RIPOR3: variants seen among roughly 807,000 people sequenced by gnomAD.
The protein encoded by RIPOR3 is RIPOR family member 3, also known as family with sequence similarity 65 member C.
In RIPOR3, 95 loss-of-function variants were observed where a neutral mutation model predicts 114.3. That is an observed-to-expected ratio of 0.83 (90% CI 0.70 to 0.99). The LOEUF (loss-of-function observed/expected upper bound fraction) is 0.99, where lower values mean the gene tolerates loss of function less well. Ranked by LOEUF, RIPOR3 falls within the 50% of genes least tolerant of loss-of-function variation. The pLI, the probability that RIPOR3 is intolerant of heterozygous loss-of-function variation, is 0.00. For missense variants in RIPOR3, 1,252 were observed against 1,266.9 expected (o/e 0.99, Z 0.18); for synonymous variants, 575 against 543.8 (o/e 1.06, Z -0.80).
intron 11 of RIPOR3, among the ~76,000 whole-genome samples, chr20:50,607,625 C>G (rs1217387730): frequency 6.6e-6 from 1 of 152,096 alleles, no homozygotes; most frequent in Non-Finnish European, 1.5e-5. Context: ...TTCAGGGGCC[C>G]CTGGGCGAGG....
At chr20:50,608,982 C>T in intron 8 of RIPOR3, 27 bp from the exon 9 acceptor site, 4 of 1,557,926 alleles carry the variant, frequency 2.6e-6, no homozygotes, top group Non-Finnish European at 3.5e-6. Flanking sequence ...GCCGGTCTCC[C>T]CTCCGCCTTC....
At chr20:50,651,065 G>A (rs763110765) in intron 1 of RIPOR3, among the ~76,000 whole-genome samples, 9 of 151,950 alleles carry the variant, frequency 5.9e-5, no homozygotes, top group Non-Finnish European at 8.8e-5. Flanking sequence ...TCTGCCTCCC[G>A]GGTTCAAGCA....
rs554484626 is a variant in RIPOR3 at position 50,658,492 on chromosome 20, G to A, written c.4-27636C>T. Among the ~76,000 whole-genome samples, 46 of 152,250 alleles carry A rather than the reference G, an allele frequency of 3.0e-4. No individual in the cohort carries two copies. In the South Asian group the frequency reaches 5.4e-3, roughly 18 times the overall value. The stretch of plus-strand genomic sequence containing the variant: ...GGAGACCACGGTGGGAGGATCGCTC[G>A]AGCCCAGGAGTTTGAGACCAGCCTG... On this transcript the variant is annotated intron_variant, in intron 1 of 21. Coordinates refer to ENST00000327979, the MANE Select transcript of RIPOR3 (RefSeq NM_001290268.2).
intron 1 of RIPOR3, among the ~76,000 whole-genome samples, chr20:50,646,299 TG>T (rs943973549): frequency 1.3e-5 from 2 of 152,130 alleles, no homozygotes; most frequent in Non-Finnish European, 2.9e-5. Context: ...GGGGAATTTT[TG>T]TATCTTTGGT....
rs116573855 is a variant in RIPOR3, at chr20:50,594,779, G to A, written c.2051-65C>T. The A allele has an allele frequency of 7.3e-4, 1,137 of 1,549,050 alleles. 8 individuals carry two copies. The African/African-American group carries it at 0.014, about 20-fold the overall frequency. On this transcript the variant is annotated intron_variant, in intron 16 of 21. Transcript: ENST00000327979. ...GAGAGCACATGACAAGGACCCGAAA[G>A]GTTTCCCTCCACTAGGACCTGAGGG...
intron 20 of RIPOR3, among the ~76,000 whole-genome samples, chr20:50,588,930 A>G (rs1303636724): frequency 1.3e-5 from 2 of 151,342 alleles, no homozygotes; most frequent in Admixed American, 1.3e-4. Flanking sequence ...AAATACAAAA[A>G]AATTAGCCGG....
Position 50,602,855 on chromosome 20 carries a change from C to G in RIPOR3, c.1087-211G>C, listed in dbSNP as rs10084519. 0.03 allele frequency among the ~76,000 whole-genome samples: 4,524 copies of G among 152,342 alleles called. 204 individuals carry two copies. The highest frequency in any genetic ancestry group is 0.1 in the African/African-American group (4,271 of 41,570). On this transcript the variant is annotated intron_variant, in intron 12 of 21. Coordinates refer to ENST00000327979, the MANE Select transcript of RIPOR3 (RefSeq NM_001290268.2). This position sits in a 1 kb window ranked among gnomAD's most constrained non-coding sequence, Gnocchi z 4.3. Reference sequence around the variant, plus strand: ...CCATCCCGCCTCCAACTCACTCCCCCCAACCTCAACAGCCTCCTGGCTATT... The same window carrying G: ...CCATCCCGCCTCCAACTCACTCCCCGCAACCTCAACAGCCTCCTGGCTATT...
At chr20:50,690,570 A>G (rs1312550697) in intron 1 of RIPOR3, among the ~76,000 whole-genome samples, 1 of 152,134 alleles carries the variant, frequency 6.6e-6, no homozygotes, top group Non-Finnish European at 1.5e-5. Context: ...GCTGCTTGGG[A>G]TAATTGCAGA....
At chr20:50,660,245 A>C (rs1380141237) in intron 1 of RIPOR3, 1 of 152,230 alleles carries the variant, frequency 6.6e-6, no homozygotes, top group Non-Finnish European at 1.5e-5. Context: ...TTGCTATAAA[A>C]GAATACCTGC....
intron 19 of RIPOR3, among the ~76,000 whole-genome samples, chr20:50,591,179 A>C (rs544960102): frequency 3.3e-5 from 5 of 152,362 alleles, no homozygotes; most frequent in African/African-American, 1.2e-4. Context: ...CCTTATGTAG[A>C]TACTATTTTA....
chr20:50,641,855 C>T (rs1254728258), intron 1 of RIPOR3, among the ~76,000 whole-genome samples: 1 of 152,240 alleles, frequency 6.6e-6, no homozygotes, highest in African/African-American at 2.4e-5. Context: ...TCTCACTTGA[C>T]CTTCAGCCTC....
At chr20:50,670,313 G>C (rs2086425598) in intron 1 of RIPOR3, among the ~76,000 whole-genome samples, 1 of 152,112 alleles carries the variant, frequency 6.6e-6, no homozygotes. Context: ...ATCGGACTTG[G>C]CTAGAAATCC....
rs779890517 is a variant in RIPOR3 at position 50,602,563 on chromosome 20, T to G, written c.1168A>C (p.Ser390Arg). ...ATSILSYLSD[S>R]DLRGPSLRSQ... ...CTTAGGCTGGGACCCCGGAGGTCGCTGTCAGACAGGTAGCTGAGGATGGAG... is the reference window on the plus strand; with the variant it reads ...CTTAGGCTGGGACCCCGGAGGTCGCGGTCAGACAGGTAGCTGAGGATGGAG... The change falls in exon 13 of 22, where the codon AGC (serine) becomes CGC (arginine). Residue 390 changes from serine (S) to arginine (R), a missense_variant. Transcript: ENST00000327979. The surrounding 1 kb of genome is among the most constrained non-coding windows in gnomAD (Gnocchi z 4.3). 1 of 1,536,510 alleles carries G rather than the reference T, an allele frequency of 6.5e-7. No homozygotes were observed. The highest frequency in any genetic ancestry group is 8.7e-7 in the Non-Finnish European group (1 of 1,143,500).
intron 1 of RIPOR3, among the ~76,000 whole-genome samples, chr20:50,675,559 C>A (rs2086652244): frequency 6.6e-6 from 1 of 152,144 alleles, no homozygotes; most frequent in South Asian, 2.1e-4. Flanking sequence ...AGTGCTAGAG[C>A]CACTTCCTTG....
chr20:50,595,491 G>C lies in RIPOR3; in HGVS notation c.1928C>G (p.Pro643Arg), dbSNP rs966744902. The change falls in exon 16 of 22, where the codon CCT becomes CGT. Residue 643 changes from proline (P) to arginine (R), a missense_variant. Physicochemically the swap from Pro to Arg is moderately radical, Grantham distance 103. Coordinates refer to ENST00000327979, the MANE Select transcript of RIPOR3 (RefSeq NM_001290268.2). ...CKALLQKLAS[P>R]NLSRLVQECL... Reference sequence around the variant, plus strand: ...TTCCTGGACCAGCCTTGATAAATTAGGGGAGGCCAGTTTCTGGGAAGCAGC... The same window carrying C: ...TTCCTGGACCAGCCTTGATAAATTACGGGAGGCCAGTTTCTGGGAAGCAGC... 3.7e-6 allele frequency: 6 copies of C among 1,613,868 alleles called. No homozygotes were observed. Among genetic ancestry groups the C allele is most frequent in the Non-Finnish European group, 4.2e-6 (5 of 1,179,960 alleles).
At chr20:50,599,682 G>GC (rs2083430175) in intron 13 of RIPOR3, among the ~76,000 whole-genome samples, 2 of 152,178 alleles carry the variant, frequency 1.3e-5, no homozygotes. Context: ...GGAAGGCAAA[G>GC]CATTGCCTCG....
intron 2 of RIPOR3, among the ~76,000 whole-genome samples, chr20:50,628,938 C>T (rs1568890356): frequency 6.6e-6 from 1 of 152,160 alleles, no homozygotes; most frequent in African/African-American, 2.4e-5. Context: ...CAGCAAATGC[C>T]CCTGGGAAGG....
rs200503235 is a variant in RIPOR3 at position 50,592,384 on chromosome 20, C to A, written c.2537G>T (p.Arg846Leu). ...TPRVCRAASA[R>L]LAGAVRNRSF... is the part of the protein sequence containing the mutation. ...TCTGTTCCTGACTGCACCAGCCAGG[C>A]GAGCGCTGGCCGCCCTGCACACCCT... Residue 846 changes from arginine to leucine, a missense_variant, in exon 19 of 22, where the codon CGC becomes CTC. Transcript: ENST00000327979. The A allele has an allele frequency of 3.7e-6, 6 of 1,605,284 alleles. No homozygotes were observed. In the East Asian group the frequency reaches 1.3e-4, roughly 36 times the overall value.
At chr20:50,689,356 AAT>A (rs1347520218) in intron 1 of RIPOR3, among the ~76,000 whole-genome samples, 1 of 151,840 alleles carries the variant, frequency 6.6e-6, no homozygotes, top group Non-Finnish European at 1.5e-5. Context: ...TTGTATTTTT[AAT>A]AGAGATGAGG....
Sources: allele counts gnomAD v4.1 joint callset (sites outside exome capture counted in the v4.1 genomes callset), GRCh38; gene constraint gnomAD v4.1.1; non-coding constraint Gnocchi (gnomAD v3.1); transcripts MANE v1.5; gene names NCBI Gene and HGNC (gene_info 2026-07-23, HGNC 2026-07-21).